The following ZNF384 variants were observed in gnomAD, a reference collection of about 807,000 sequenced individuals.
ZNF384 encodes the protein zinc finger protein 384.
In ZNF384, 20 loss-of-function variants were observed where a neutral mutation model predicts 65.0. The ratio of observed to expected loss-of-function variants is 0.31; its 90% confidence interval spans 0.22 to 0.45. ZNF384 has a LOEUF of 0.45. Ranked by LOEUF, ZNF384 falls within the 20% of genes least tolerant of loss-of-function variation. The probability of loss-of-function intolerance (pLI) is 1.00; values close to 1 mark genes in which losing one functional copy is unlikely to be tolerated. For synonymous variants in ZNF384, 310 were observed against 303.9 expected, an observed-to-expected ratio of 1.02 and a Z score of -0.21; for missense variants, 549 against 769.4, an observed-to-expected ratio of 0.71 and a Z score of 3.39.
rs763097483 is a variant in ZNF384, at chr12:6,678,498, TCA to T, written c.353-40_353-39del. ...GAAAAAGGAGATGGCGTCATGTTGT[TCA>T]GTCCTGATCCTAATCCTATTTCATT... is the stretch of plus-strand genomic sequence containing the variant. On this transcript the variant is annotated intron_variant, in intron 5 of 11. Transcript: ENST00000683879. This position sits in a 1 kb window ranked among gnomAD's most constrained non-coding sequence, Gnocchi z 4.9. 1 of 1,549,872 alleles carries T rather than the reference TCA, an allele frequency of 6.5e-7. No homozygotes were observed. The highest frequency in any genetic ancestry group is 2.3e-5 in the East Asian group (1 of 43,080).
At chr12:6,686,682 T>C (rs1248144496) in intron 2 of ZNF384, among the ~76,000 whole-genome samples, 1 of 152,154 alleles carries the variant, frequency 6.6e-6, no homozygotes, top group African/African-American at 2.4e-5. Flanking sequence ...CCTGTATAAA[T>C]AAGTTTGTAA....
In ZNF384 at chr12:6,672,092, A is replaced by T; in HGVS notation, c.1187+258T>A. On this transcript the variant is annotated intron_variant, in intron 9 of 11. Coordinates refer to ENST00000683879, the MANE Select transcript of ZNF384 (RefSeq NM_001385745.1). The surrounding 1 kb of genome is among the most constrained non-coding windows in gnomAD (Gnocchi z 4.4). ...GAGAAAAGTTGTTTCTACTCCAGGT[A>T]CGTGTCTGTCTCCCATGGATCAGTG... 2 of 420,032 alleles carry T rather than the reference A, an allele frequency of 4.8e-6. No homozygotes were observed. Among genetic ancestry groups the T allele is most frequent in the South Asian group, 3.6e-5 (1 of 27,824 alleles). 26.0% of individuals were successfully genotyped at this position (420,032 alleles called of 1,614,324 possible). A position where few individuals can be genotyped will look rare whatever the true frequency, so the allele number is the denominator to read the frequency against.
chr12:6,682,569 G>A (rs769516918), intron 2 of ZNF384, among the ~76,000 whole-genome samples: 3 of 151,970 alleles, frequency 2.0e-5, no homozygotes, highest in Non-Finnish European at 4.4e-5. Flanking sequence ...AATCATTTAA[G>A]CCCGAGAGGC....
Position 6,685,841 on chromosome 12 carries a change from C to T in ZNF384, c.-6+2326G>A, listed in dbSNP as rs767623411. Among the ~76,000 whole-genome samples the T allele has an allele frequency of 2.6e-3, 383 of 148,400 alleles. 1 individual carries two copies. The highest frequency in any genetic ancestry group is 4.6e-3 in the Admixed American group (68 of 14,892). ...TCTAATTAAGTTGGAGAGTAATTTT[C>T]TCTTAAGAGACACAAGGAACTACAT... is the stretch of plus-strand genomic sequence containing the variant. On this transcript the variant is annotated intron_variant, in intron 2 of 11. Transcript: ENST00000683879.
intron 10 of ZNF384, among the ~76,000 whole-genome samples, chr12:6,669,741 A>C (rs1482622121): frequency 1.3e-5 from 2 of 152,018 alleles, no homozygotes; most frequent in African/African-American, 4.8e-5. Context: ...AGCTCAGGTG[A>C]TCCGCCCGCC....
chr12:6,673,181 G>C lies in ZNF384; in HGVS notation c.1004+35C>G. 3.1e-6 allele frequency: 5 copies of C among 1,595,264 alleles called. No homozygotes were observed. Among genetic ancestry groups the C allele is most frequent in the Non-Finnish European group, 4.3e-6 (5 of 1,165,308 alleles). ...CAGGCAACATGGTCTTAGGGTTCACGGCCAGGTGGTGGGGTAAACCAAGAG... is the reference window on the plus strand; with the variant it reads ...CAGGCAACATGGTCTTAGGGTTCACCGCCAGGTGGTGGGGTAAACCAAGAG... On this transcript the variant is annotated intron_variant, in intron 8 of 11. Coordinates refer to ENST00000683879, the MANE Select transcript of ZNF384 (RefSeq NM_001385745.1). This position sits in a 1 kb window ranked among gnomAD's most constrained non-coding sequence, Gnocchi z 4.7.
intron 2 of ZNF384, among the ~76,000 whole-genome samples, chr12:6,687,344 C>T (rs1232885973): frequency 3.9e-5 from 6 of 152,112 alleles, no homozygotes; most frequent in African/African-American, 1.4e-4. Flanking sequence ...AGGGACGGCA[C>T]GGTGGTTCTC....
rs972649914 is a variant in ZNF384, at chr12:6,673,119, AG to A, written c.1004+96del. 2.6e-6 allele frequency: 3 copies of A among 1,144,450 alleles called. No homozygotes were observed. Among genetic ancestry groups the A allele is most frequent in the African/African-American group, 3.1e-5 (2 of 64,530 alleles). 70.9% of individuals were successfully genotyped at this position (1,144,450 alleles called of 1,614,324 possible). ...GAGGCTACCAATGGGCAAAGGTGAA[AG>A]GGAAAGAATAATACATGTGGAGAGA... On this transcript the variant is annotated intron_variant, in intron 8 of 11. Coordinates refer to ENST00000683879, the MANE Select transcript of ZNF384 (RefSeq NM_001385745.1). The surrounding 1 kb of genome is among the most constrained non-coding windows in gnomAD (Gnocchi z 4.7).
chr12:6,674,051 C>T (rs1411459052), intron 7 of ZNF384, among the ~76,000 whole-genome samples: 1 of 152,214 alleles, frequency 6.6e-6, no homozygotes. Context: ...TTGCATCCAT[C>T]ATCTACCCAC....
intron 6 of ZNF384, among the ~76,000 whole-genome samples, chr12:6,677,891 A>G (rs998493535): frequency 6.6e-6 from 1 of 152,222 alleles, no homozygotes; most frequent in Non-Finnish European, 1.5e-5. Context: ...GTCAGTGTTA[A>G]CGACCCCCAA....
chr12:6,688,620 G>A (rs1958839694), intron 1 of ZNF384: 1 of 152,374 alleles, frequency 6.6e-6, no homozygotes, highest in Non-Finnish European at 1.5e-5. Flanking sequence ...ACAAGACCTT[G>A]TGGCAGGCAC....
In ZNF384 at chr12:6,672,269, C is replaced by CG; in HGVS notation, c.1187+80dup. On this transcript the variant is annotated intron_variant, in intron 9 of 11. Coordinates refer to ENST00000683879, the MANE Select transcript of ZNF384 (RefSeq NM_001385745.1). This position sits in a 1 kb window ranked among gnomAD's most constrained non-coding sequence, Gnocchi z 4.4. ...AGGTCTCTCCCCCGCCCCCCGCATGCGGGTTGTTGTGTGTGTCCGGGGCGG... is the reference window on the plus strand; with the variant it reads ...AGGTCTCTCCCCCGCCCCCCGCATGCGGGGTTGTTGTGTGTGTCCGGGGCGG... 1 of 1,451,942 alleles carries CG rather than the reference C, an allele frequency of 6.9e-7. No individual in the cohort carries two copies. Among genetic ancestry groups the CG allele is most frequent in the Non-Finnish European group, 9.3e-7 (1 of 1,080,466 alleles). 89.9% of individuals were successfully genotyped at this position (1,451,942 alleles called of 1,614,324 possible).
chr12:6,677,953 G>A (rs936187154), intron 6 of ZNF384, among the ~76,000 whole-genome samples, 174 bp downstream of exon 6: 5 of 152,174 alleles, frequency 3.3e-5, no homozygotes, highest in Admixed American at 6.5e-5. Context: ...ATCCTAACAC[G>A]ATGCTAGCAG....
Position 6,668,038 on chromosome 12 carries a change from CGCT to C in ZNF384, c.1500_1502del (p.Ala503del), listed in dbSNP as rs745367350. On this transcript the variant is annotated inframe_deletion, in exon 12 of 12. Transcript: ENST00000683879. Reference sequence around the variant, plus strand: ...GAGCCTGGGCCTGGGCCACTGCTGCCGCTGCTGCTGCTGCCTGCACCTGTTGCT... The same window carrying C: ...GAGCCTGGGCCTGGGCCACTGCTGCCGCTGCTGCTGCCTGCACCTGTTGCT... 6.2e-7 allele frequency: 1 copy of C among 1,613,028 alleles called. No individual in the cohort carries two copies. Among genetic ancestry groups the C allele is most frequent in the Non-Finnish European group, 8.5e-7 (1 of 1,179,468 alleles).
Position 6,668,125 on chromosome 12 carries a change from A to G in ZNF384, c.1426-10T>C, listed in dbSNP as rs1455299967. 6.4e-7 allele frequency: 1 copy of G among 1,562,930 alleles called. No individual in the cohort carries two copies. Among genetic ancestry groups the G allele is most frequent in the Non-Finnish European group, 8.7e-7 (1 of 1,154,660 alleles). On this transcript the variant is annotated splice_polypyrimidine_tract_variant and intron_variant, in intron 11 of 11. Transcript: ENST00000683879. ...TCATAAGGTATGTTTCCTGAGGGAG[A>G]TGGTAAAAAGAAGTTGAGGGATAAA...
Position 6,677,225 on chromosome 12 carries a change from T to C in ZNF384, c.721A>G (p.Ser241Gly). 7.6e-7 allele frequency: 1 copy of C among 1,307,206 alleles called. No homozygotes were observed. The highest frequency in any genetic ancestry group is 1.0e-6 in the Non-Finnish European group (1 of 997,056). 81.0% of individuals were successfully genotyped at this position (1,307,206 alleles called of 1,614,324 possible). A position where few individuals can be genotyped will look rare whatever the true frequency, so the allele number is the denominator to read the frequency against. ...GGAACTGAATCCATGAGCCCAAGGC[T>C]CTGTCCATTTCCTGTGCCGCAGTTC... is the stretch of plus-strand genomic sequence containing the variant. ...EGNCGTGNGQ[S>G]LGLMDSVPGS... The change falls in exon 7 of 12, where the codon AGC (serine) becomes GGC (glycine). Residue 241 changes from serine to glycine, a missense_variant. Physicochemically the swap from Ser to Gly is moderately conservative, Grantham distance 56. Coordinates refer to ENST00000683879, the MANE Select transcript of ZNF384 (RefSeq NM_001385745.1).
Position 6,672,603 on chromosome 12 carries a change from G to T in ZNF384, c.1005-71C>A. On this transcript the variant is annotated intron_variant, in intron 8 of 11. Coordinates refer to ENST00000683879, the MANE Select transcript of ZNF384 (RefSeq NM_001385745.1). The surrounding 1 kb of genome is among the most constrained non-coding windows in gnomAD (Gnocchi z 4.4). ...ACACCAGGGGCTCAGCTCTCTGCTG[G>T]GTGAAATGACGTTGCTTGACGGATG... 6.7e-7 allele frequency: 1 copy of T among 1,491,770 alleles called. No homozygotes were observed. The highest frequency in any genetic ancestry group is 9.2e-7 in the Non-Finnish European group (1 of 1,088,556). 92.4% of individuals were successfully genotyped at this position (1,491,770 alleles called of 1,614,324 possible). A position where few individuals can be genotyped will look rare whatever the true frequency, so the allele number is the denominator to read the frequency against.
chr12:6,673,399 A>G lies in ZNF384; in HGVS notation c.821T>C (p.Met274Thr). Reference protein sequence around the residue: ...CSLTFYSKSEMQIHSKSHTET... With the variant: ...CSLTFYSKSETQIHSKSHTET... ...GGTGTGTGACTTGGAGTGGATCTGC[A>G]TCTCCGACTTGGAGTAGAATGTCAG... is the stretch of plus-strand genomic sequence containing the variant. Residue 274 changes from methionine to threonine, a missense_variant, in exon 8 of 12, where the codon ATG (methionine) becomes ACG (threonine). Physicochemically the swap from Met to Thr is moderately conservative, Grantham distance 81 (BLOSUM62 -1). This residue lies in a region of ZNF384 where 39 missense variants were observed against 85.8 expected (regional missense o/e 0.45). Transcript: ENST00000683879. This position sits in a 1 kb window ranked among gnomAD's most constrained non-coding sequence, Gnocchi z 4.7. 1 of 1,613,954 alleles carries G rather than the reference A, an allele frequency of 6.2e-7. No individual in the cohort carries two copies. Among genetic ancestry groups the G allele is most frequent in the South Asian group, 1.1e-5 (1 of 91,052 alleles).
Position 6,679,469 on chromosome 12 carries a change from T to C in ZNF384, c.52A>G (p.Thr18Ala). 2.5e-6 allele frequency: 4 copies of C among 1,614,020 alleles called. No homozygotes were observed. The highest frequency in any genetic ancestry group is 3.4e-6 in the Non-Finnish European group (4 of 1,179,926). Residue 18 changes from threonine to alanine, a missense_variant, in exon 3 of 12, where the codon ACA (threonine) becomes GCA (alanine). By Grantham distance (58) the Thr-to-Ala change is moderately conservative. This residue lies in a region of ZNF384 where 277 missense variants were observed against 337.2 expected (regional missense o/e 0.82). Transcript: ENST00000683879. ...ACACCACTTACCTGACCTGAGACTGTGGGGATAGAAGGCCAGAAGTACGGG... is the reference window on the plus strand; with the variant it reads ...ACACCACTTACCTGACCTGAGACTGCGGGGATAGAAGGCCAGAAGTACGGG... ...SNPYFWPSIP[T>A]VSGQIENTMF... is the part of the protein sequence containing the mutation.
Sources: gnomAD v4.1 joint callset for allele counts (sites outside exome capture counted in the v4.1 genomes callset) on GRCh38, gnomAD v4.1.1 for gene constraint, gnomAD v4.1.1 regional missense constraint, Gnocchi (gnomAD v3.1) non-coding constraint, MANE v1.5 for transcripts, NCBI Gene and HGNC (gene_info 2026-07-23, HGNC 2026-07-21) for gene names.